Variants in FMN1 observed in about 807,000 individuals in gnomAD.
FMN1 encodes the protein formin 1, also known as formin-1.
Under a neutral mutation model 132.4 loss-of-function variants are expected in FMN1, and 110 were observed. The observed-to-expected ratio is 0.83, with a 90% CI of 0.71 to 0.97. The LOEUF is 0.97. Ranked by LOEUF, FMN1 falls within the 50% of genes least tolerant of loss-of-function variation. The pLI, the probability that FMN1 is intolerant of heterozygous loss-of-function variation, is 0.00. For missense variants in FMN1, 1,792 were observed against 1,705.3 expected (o/e 1.05, Z -0.90); for synonymous variants, 722 against 651.7 (o/e 1.11, Z -1.64).
intron 12 of FMN1, among the ~76,000 whole-genome samples, chr15:32,904,225 C>T (rs1192542011): frequency 1.3e-5 from 2 of 152,098 alleles, no homozygotes; most frequent in Admixed American, 6.6e-5. Flanking sequence ...ATGGGGGGAA[C>T]ATTGTCAGCT....
chr15:33,011,352 T>A (rs2034708572), intron 6 of FMN1, among the ~76,000 whole-genome samples: 1 of 152,122 alleles, frequency 6.6e-6, no homozygotes, highest in African/African-American at 2.4e-5. Flanking sequence ...AAAAAAATAT[T>A]CTGTTCCTTT....
At chr15:32,983,847 T>C (rs2032872938) in intron 7 of FMN1, among the ~76,000 whole-genome samples, 1 of 152,238 alleles carries the variant, frequency 6.6e-6, no homozygotes, top group African/African-American at 2.4e-5. Context: ...GGTTTCTCTG[T>C]CGAGGTGAAT....
chr15:33,105,205 G>A (rs754751809), intron 4 of FMN1, among the ~76,000 whole-genome samples: 1 of 152,068 alleles, frequency 6.6e-6, no homozygotes, highest in Non-Finnish European at 1.5e-5. Flanking sequence ...ATTACTAAAT[G>A]GAGCTATGTC....
intron 4 of FMN1, among the ~76,000 whole-genome samples, chr15:33,125,708 A>G (rs1310941277): frequency 6.6e-6 from 1 of 151,288 alleles, no homozygotes; most frequent in Non-Finnish European, 1.5e-5. Flanking sequence ...GTGTCTCAAA[A>G]AAAAAAAAAA....
intron 5 of FMN1, among the ~76,000 whole-genome samples, chr15:33,085,487 T>C (rs1463077128): frequency 6.6e-6 from 1 of 151,152 alleles, no homozygotes; most frequent in African/African-American, 2.4e-5. Flanking sequence ...ATATATACTG[T>C]TTAATTACAC....
chr15:33,104,000 T>C (rs2039389985), intron 4 of FMN1, among the ~76,000 whole-genome samples: 1 of 151,988 alleles, frequency 6.6e-6, no homozygotes. Context: ...AAAAGAAAAT[T>C]AACTTCATCG....
At chr15:32,955,231 C>G (rs2061738086) in intron 9 of FMN1, among the ~76,000 whole-genome samples, 1 of 152,290 alleles carries the variant, frequency 6.6e-6, no homozygotes, top group Admixed American at 6.5e-5. Context: ...TTAATCTCCA[C>G]TTGAATGACA....
chr15:33,047,696 G>A (rs577138908), intron 6 of FMN1, among the ~76,000 whole-genome samples: 7 of 152,292 alleles, frequency 4.6e-5, no homozygotes, highest in Admixed American at 2.6e-4. Flanking sequence ...AGACTCCCAT[G>A]GGAGATGGGC....
intron 7 of FMN1, among the ~76,000 whole-genome samples, chr15:32,996,087 A>G (rs16962802): frequency 0.098 from 14,988 of 152,284 alleles, 908 homozygotes; most frequent in East Asian, 0.14. Flanking sequence ...AATAAACACA[A>G]TAGTTATGAT....
chr15:33,166,637 G>A (rs1965119782), intron 3 of FMN1, among the ~76,000 whole-genome samples: 1 of 152,004 alleles, frequency 6.6e-6, no homozygotes, highest in Admixed American at 6.6e-5. Flanking sequence ...CTTCCTTTTT[G>A]CTTTGTTGCT....
chr15:32,961,156 G>C (rs2030492036), intron 9 of FMN1, among the ~76,000 whole-genome samples: 1 of 149,434 alleles, frequency 6.7e-6, no homozygotes, highest in Non-Finnish European at 1.5e-5. Context: ...TTTTTTAGAC[G>C]GAGTTTTGCT....
At chr15:33,035,946 A>G (rs969474406) in intron 6 of FMN1, among the ~76,000 whole-genome samples, 1 of 152,156 alleles carries the variant, frequency 6.6e-6, no homozygotes, top group Admixed American at 6.5e-5. Flanking sequence ...TGGTGGCTTT[A>G]TAAGAAGAGG....
chr15:32,847,290 G>A (rs916547681), intron 17 of FMN1, among the ~76,000 whole-genome samples: 3 of 150,970 alleles, frequency 2.0e-5, no homozygotes, highest in Admixed American at 6.6e-5. Context: ...GTGTGTGTAT[G>A]TGTGTGTGTG....
At chr15:33,056,371 G>C (rs139248344) in intron 6 of FMN1, among the ~76,000 whole-genome samples, 2 of 152,304 alleles carry the variant, frequency 1.3e-5, no homozygotes, top group East Asian at 3.9e-4. Context: ...CAGGCTGAGA[G>C]ACCCCAGTGC....
chr15:32,993,099 G>A (rs2140866591), intron 7 of FMN1, among the ~76,000 whole-genome samples: 1 of 152,266 alleles, frequency 6.6e-6, no homozygotes, highest in East Asian at 1.9e-4. Context: ...GACATTTTCA[G>A]CTGCAGTCTC....
chr15:33,055,617 AAC>A (rs1491063583), intron 6 of FMN1, among the ~76,000 whole-genome samples: 10 of 150,204 alleles, frequency 6.7e-5, no homozygotes, highest in African/African-American at 1.2e-4. Context: ...GACAAAAAAA[AAC>A]AAACAAAAAA....
intron 7 of FMN1, among the ~76,000 whole-genome samples, chr15:32,995,109 T>C (rs753222067): frequency 1.3e-5 from 2 of 152,104 alleles, no homozygotes; most frequent in African/African-American, 2.4e-5. Flanking sequence ...CATATATATA[T>C]ATATGTATAT....
chr15:32,826,852 C>T (rs760156736), intron 17 of FMN1, among the ~76,000 whole-genome samples: 12 of 152,220 alleles, frequency 7.9e-5, no homozygotes, highest in Non-Finnish European at 1.3e-4. Flanking sequence ...AGCGCTGGCT[C>T]TTTCCAAAGC....
chr15:32,819,508 C>A (rs1475661421), intron 17 of FMN1, among the ~76,000 whole-genome samples: 1 of 152,094 alleles, frequency 6.6e-6, no homozygotes, highest in African/African-American at 2.4e-5. Flanking sequence ...CATTTTATAC[C>A]TGAATTAAAG....
Sources: allele counts gnomAD v4.1 joint callset (sites outside exome capture counted in the v4.1 genomes callset), GRCh38; gene constraint gnomAD v4.1.1; transcripts MANE v1.5; gene names NCBI Gene and HGNC (gene_info 2026-07-23, HGNC 2026-07-21).